Variants in SMG6 observed in about 807,000 individuals in gnomAD.
SMG6 encodes SMG6 nonsense mediated mRNA decay factor.
SMG6 carries 66 observed loss-of-function variants against 142.2 expected under a neutral mutation model. The ratio of observed to expected loss-of-function variants is 0.46; its 90% CI spans 0.38 to 0.57. The LOEUF is 0.57. Among genes scored for constraint, SMG6 ranks in the 20% least tolerant of loss-of-function variants. The probability of loss-of-function intolerance (pLI) is 0.00; values close to 1 mark genes in which losing one functional copy is unlikely to be tolerated. For synonymous variants in SMG6, 779 were observed against 702.4 expected (o/e 1.11, Z -1.72); for missense variants, 1,793 against 1,832.0 (o/e 0.98, Z 0.39).
At position 2,172,708 on chromosome 17, in the gene SMG6, A is replaced by G; in HGVS notation, c.3307T>C (p.Leu1103=). 6.2e-7 allele frequency: 1 copy of G among 1,614,084 alleles called. No homozygotes were observed. Among genetic ancestry groups the G allele is most frequent in the Non-Finnish European group, 8.5e-7 (1 of 1,180,034 alleles). The change falls in exon 13 of 19, where the codon TTG becomes CTG. Residue 1103 remains leucine, a synonymous_variant. Coordinates refer to ENST00000263073, the MANE Select transcript of SMG6 (RefSeq NM_017575.5). Reference sequence around the variant, plus strand: ...CAGGGGTCCTGAGGGGCAGCCAGCAAGGGGACAAAGCCCGAGAGAAGCCGA... The same window carrying G: ...CAGGGGTCCTGAGGGGCAGCCAGCAGGGGGACAAAGCCCGAGAGAAGCCGA... ...EDRLLSGFVP[L]LAAPQDPCYV...
intron 10 of SMG6, among the ~76,000 whole-genome samples, chr17:2,210,837 G>A (rs991065395): frequency 2.7e-5 from 4 of 150,762 alleles, no homozygotes; most frequent in African/African-American, 9.8e-5. Flanking sequence ...ACAAACCCTT[G>A]TTAACTAACT....
intron 8 of SMG6, among the ~76,000 whole-genome samples, chr17:2,273,570 T>C (rs917340089): frequency 9.9e-5 from 15 of 152,038 alleles, no homozygotes; most frequent in African/African-American, 2.9e-4. Flanking sequence ...GAGGCGGAAG[T>C]TGCAGCGAGC....
intron 4 of SMG6, among the ~76,000 whole-genome samples, chr17:2,294,025 A>G (rs895049567): frequency 2.0e-5 from 3 of 152,182 alleles, no homozygotes; most frequent in Admixed American, 2.0e-4. Context: ...CTCACAGCAC[A>G]CAATATAATT....
chr17:2,234,711 T>C (rs2073600176), intron 10 of SMG6, among the ~76,000 whole-genome samples: 1 of 151,106 alleles, frequency 6.6e-6, no homozygotes, highest in African/African-American at 2.4e-5. Context: ...TTCTTAATTA[T>C]TATTATTATT....
chr17:2,197,382 A>G (rs1207567797), intron 10 of SMG6, among the ~76,000 whole-genome samples: 1 of 151,902 alleles, frequency 6.6e-6, no homozygotes, highest in Admixed American at 6.6e-5. Flanking sequence ...CTGGCAACAT[A>G]GCAAGACTGT....
intron 13 of SMG6, among the ~76,000 whole-genome samples, chr17:2,146,841 C>CA (rs1310409526): frequency 6.6e-6 from 1 of 152,152 alleles, no homozygotes; most frequent in Non-Finnish European, 1.5e-5. Context: ...GCTGGGATTA[C>CA]ACGTGTGAGC....
intron 13 of SMG6, among the ~76,000 whole-genome samples, chr17:2,145,867 C>A: frequency 6.6e-6 from 1 of 152,032 alleles, no homozygotes; most frequent in East Asian, 1.9e-4. Context: ...AAGTTTGGGT[C>A]AATGTAGATT....
intron 13 of SMG6, among the ~76,000 whole-genome samples, chr17:2,095,633 C>A (rs534835851): frequency 2.0e-5 from 3 of 152,126 alleles, no homozygotes; most frequent in Non-Finnish European, 2.9e-5. Flanking sequence ...CAAGAGAGCA[C>A]GCGCCCCTCC....
intron 10 of SMG6, chr17:2,236,072 T>C (rs981927184): frequency 2.0e-5 from 3 of 152,824 alleles, no homozygotes; most frequent in African/African-American, 7.2e-5. Flanking sequence ...CTTTTCCATA[T>C]TGAACAAACA....
Position 2,282,861 on chromosome 17 carries a change from T to A in SMG6, c.2449-2A>T. The stretch of plus-strand genomic sequence containing the variant: ...TTGCTTCTTTTCCATCTGTTCTGCC[T>A]ATATAACATACAAACACATTAGCTC... On this transcript the variant is annotated splice_acceptor_variant, in intron 7 of 18. Transcript: ENST00000263073. LOFTEE classifies it high-confidence loss of function. 1 of 1,614,034 alleles carries A rather than the reference T, an allele frequency of 6.2e-7. No homozygotes were observed. The highest frequency in any genetic ancestry group is 8.5e-7 in the Non-Finnish European group (1 of 1,179,938).
At chr17:2,088,144 A>G (rs1171550414) in intron 13 of SMG6, 1 of 985,368 alleles carries the variant, frequency 1.0e-6, no homozygotes, top group African/African-American at 1.7e-5. Flanking sequence ...AAACCTGCCC[A>G]GGACAGGAGT....
intron 13 of SMG6, among the ~76,000 whole-genome samples, chr17:2,150,450 A>T (rs1267141389): frequency 6.6e-6 from 1 of 152,092 alleles, no homozygotes. Flanking sequence ...CAACATCCCC[A>T]AAGGACACAG....
intron 10 of SMG6, chr17:2,199,713 T>G (rs2072453532): frequency 6.6e-6 from 1 of 151,684 alleles, no homozygotes; most frequent in Non-Finnish European, 1.5e-5. Context: ...GAGACCAGCC[T>G]GTGGGCCACC....
chr17:2,288,752 G>T (rs1597792243), intron 6 of SMG6, among the ~76,000 whole-genome samples: 1 of 151,620 alleles, frequency 6.6e-6, no homozygotes, highest in Non-Finnish European at 1.5e-5. Flanking sequence ...ATAACATGGC[G>T]AAATCCCGTC....
At chr17:2,063,356 G>A (rs1056692235) in intron 18 of SMG6, 1 of 152,204 alleles carries the variant, frequency 6.6e-6, no homozygotes, top group Non-Finnish European at 1.5e-5. Flanking sequence ...ATTTAGTGAC[G>A]GTTTCTCTGT....
At chr17:2,242,238 C>T (rs907562782) in intron 9 of SMG6, among the ~76,000 whole-genome samples, 3 of 151,656 alleles carry the variant, frequency 2.0e-5, no homozygotes, top group East Asian at 3.9e-4. Flanking sequence ...ATAGGCCGGG[C>T]GCGGTGGCTC....
intron 9 of SMG6, among the ~76,000 whole-genome samples, chr17:2,242,960 T>C (rs1045875797): frequency 3.3e-5 from 5 of 152,260 alleles, no homozygotes; most frequent in African/African-American, 1.2e-4. Flanking sequence ...CATTCATTTG[T>C]ACAACAAATA....
chr17:2,192,542 C>A (rs1345522303), intron 10 of SMG6, among the ~76,000 whole-genome samples: 3 of 152,176 alleles, frequency 2.0e-5, no homozygotes, highest in Non-Finnish European at 4.4e-5. Context: ...AAAACGCAGG[C>A]AAGACCACTT....
chr17:2,165,863 C>G lies in SMG6; in HGVS notation c.3357+6795G>C, dbSNP rs190930050. On this transcript the variant is annotated intron_variant, in intron 13 of 18. Transcript: ENST00000263073. ...GAGACTGCAGTGAGCTATGATCACA[C>G]CACTGCATTCCATTCTGGGTGACAG... Among the ~76,000 whole-genome samples, 244 of 152,210 alleles carry G rather than the reference C, an allele frequency of 1.6e-3. 4 individuals carry two copies. The highest frequency in any genetic ancestry group is 2.5e-4 in the Non-Finnish European group (17 of 68,010).
Sources: allele counts gnomAD v4.1 joint callset (sites outside exome capture counted in the v4.1 genomes callset), GRCh38; gene constraint gnomAD v4.1.1; transcripts MANE v1.5; gene names NCBI Gene and HGNC (gene_info 2026-07-23, HGNC 2026-07-21).